Variants in RAB10 observed in about 807,000 individuals in gnomAD.
The protein encoded by RAB10 is ras-related protein Rab-10.
In RAB10, 5 loss-of-function variants were observed where a neutral mutation model predicts 25.7. The observed-to-expected ratio is 0.19, with a 90% CI of 0.10 to 0.41. The LOEUF (loss-of-function observed/expected upper bound fraction) is 0.41. Ranked by LOEUF, RAB10 falls within the 10% of genes least tolerant of loss-of-function variation. The probability of loss-of-function intolerance (pLI) is 1.00; values close to 1 mark genes in which losing one functional copy is unlikely to be tolerated. For synonymous variants in RAB10, 89 were observed against 86.4 expected, an observed-to-expected ratio of 1.03 and a Z score of -0.16; for missense variants, 103 against 245.8, an observed-to-expected ratio of 0.42 and a Z score of 3.89.
Position 26,098,705 on chromosome 2 carries a change from G to A in RAB10, c.171G>A (p.Lys57=). 2 of 1,592,900 alleles carry A rather than the reference G, an allele frequency of 1.3e-6. No individual in the cohort carries two copies. The highest frequency in any genetic ancestry group is 2.2e-5 in the South Asian group (2 of 90,138). ...AAACAGTTGAATTACAAGGAAAGAA[G>A]ATCAAGCTACAGATATGGTAAGTGA... The part of the protein sequence containing the change: ...KIKTVELQGK[K]IKLQIWDTAG... Residue 57 remains lysine (K), a synonymous_variant, in exon 2 of 6, where the codon AAG becomes AAA. Transcript: ENST00000264710.
rs945621226 is a variant in RAB10 at position 26,135,892 on chromosome 2, T to C, written c.*871T>C. ...GTTTGTCAAGTTTAATATAAAGCAC[T>C]GATGTAACTTGCTAGGTAAACGGAA... On this transcript the variant is annotated 3_prime_UTR_variant, in exon 6 of 6. Transcript: ENST00000264710. 6.6e-6 allele frequency: 1 copy of C among 152,630 alleles called. No homozygotes were observed. The highest frequency in any genetic ancestry group is 1.5e-5 in the Non-Finnish European group (1 of 68,040). The allele number at this position is 152,630 out of a possible 1,614,324, so 9.5% of individuals were successfully genotyped here. A position where few individuals can be genotyped will look rare whatever the true frequency, so the allele number is the denominator to read the frequency against.
chr2:26,117,823 A>G lies in RAB10; in HGVS notation c.327+7917A>G, dbSNP rs188759712. ...GATTCCAATTTAAGAGAGATCATAT[A>G]TGTTAATTTACTTTGGGTAACTGGG... is the stretch of plus-strand genomic sequence containing the variant. On this transcript the variant is annotated intron_variant, in intron 3 of 5. Transcript: ENST00000264710. Among the ~76,000 whole-genome samples the G allele has an allele frequency of 7.7e-4, 118 of 152,308 alleles. 1 individual carries two copies. In the Middle Eastern group the frequency reaches 0.014, roughly 18 times the overall value.
chr2:26,118,442 G>A (rs1667738108), intron 3 of RAB10, among the ~76,000 whole-genome samples: 1 of 151,716 alleles, frequency 6.6e-6, no homozygotes, highest in Admixed American at 6.6e-5. Context: ...AAAGGCCGGG[G>A]GTGGGGTGGG....
chr2:26,108,563 T>C (rs1371388550), intron 2 of RAB10, among the ~76,000 whole-genome samples: 1 of 152,048 alleles, frequency 6.6e-6, no homozygotes, highest in Non-Finnish European at 1.5e-5. Flanking sequence ...AATCTGTACA[T>C]GTAATAAATT....
intron 1 of RAB10, among the ~76,000 whole-genome samples, chr2:26,038,100 G>A (rs940096945): frequency 1.3e-5 from 2 of 151,728 alleles, no homozygotes; most frequent in Admixed American, 1.3e-4. Context: ...TGGCCAGGCT[G>A]GTCTCGAACT....
intron 1 of RAB10, among the ~76,000 whole-genome samples, chr2:26,090,564 G>A (rs1667080343): frequency 6.7e-6 from 1 of 148,708 alleles, no homozygotes; most frequent in Non-Finnish European, 1.5e-5. Flanking sequence ...TCTGTTAGAT[G>A]TCAGACCTCT....
At chr2:26,050,838 C>T (rs957818744) in intron 1 of RAB10, among the ~76,000 whole-genome samples, 5 of 152,058 alleles carry the variant, frequency 3.3e-5, no homozygotes, top group Non-Finnish European at 5.9e-5. Flanking sequence ...GTCTCCTGGG[C>T]TCAAGTGATT....
intron 1 of RAB10, among the ~76,000 whole-genome samples, chr2:26,084,549 C>T (rs990714328): frequency 3.9e-5 from 6 of 152,186 alleles, no homozygotes; most frequent in African/African-American, 1.4e-4. Flanking sequence ...GTTTTTGGTA[C>T]ATGGTATACC....
chr2:26,133,970 G>T (rs928823685), intron 5 of RAB10, among the ~76,000 whole-genome samples: 1 of 151,940 alleles, frequency 6.6e-6, no homozygotes, highest in African/African-American at 2.4e-5. Context: ...CACGACACCC[G>T]GCCCTTCTGA....
intron 5 of RAB10, among the ~76,000 whole-genome samples, chr2:26,132,453 C>T (rs1011896012): frequency 6.6e-6 from 1 of 152,142 alleles, no homozygotes; most frequent in Non-Finnish European, 1.5e-5. Context: ...AGGGTTTCAA[C>T]ATATTGGCCA....
chr2:26,045,395 A>G (rs995350636), intron 1 of RAB10, among the ~76,000 whole-genome samples: 2 of 151,816 alleles, frequency 1.3e-5, no homozygotes, highest in Non-Finnish European at 2.9e-5. Flanking sequence ...GCCCGCCACC[A>G]CGCCCAGCTA....
At chr2:26,051,036 C>G (rs1666121544) in intron 1 of RAB10, among the ~76,000 whole-genome samples, 1 of 152,044 alleles carries the variant, frequency 6.6e-6, no homozygotes, top group Non-Finnish European at 1.5e-5. Context: ...TTCCTGGGTT[C>G]AAGTGATCTT....
intron 1 of RAB10, among the ~76,000 whole-genome samples, chr2:26,062,335 C>T (rs1259132442): frequency 6.6e-6 from 1 of 152,100 alleles, no homozygotes; most frequent in Non-Finnish European, 1.5e-5. Flanking sequence ...TATTATGATG[C>T]TTTTATTTGG....
At position 26,034,363 on chromosome 2, in the gene RAB10, C is replaced by A; in HGVS notation, c.-246C>A. On this transcript the variant is annotated 5_prime_UTR_variant, in exon 1 of 6. Transcript: ENST00000264710. The stretch of plus-strand genomic sequence containing the variant: ...GGAGGCCATTTTGTCCCGACCGACT[C>A]CCCGGAACCGGGCGGACGGGCTGGG... The A allele has an allele frequency of 1.7e-6, 1 of 592,966 alleles. No homozygotes were observed. The highest frequency in any genetic ancestry group is 3.0e-6 in the Non-Finnish European group (1 of 334,182). The allele number at this position is 592,966 out of a possible 1,614,324, so 36.7% of individuals were successfully genotyped here. A position where few individuals can be genotyped will look rare whatever the true frequency, so the allele number is the denominator to read the frequency against.
chr2:26,084,631 A>T (rs1435251258), intron 1 of RAB10, among the ~76,000 whole-genome samples: 1 of 152,188 alleles, frequency 6.6e-6, no homozygotes, highest in African/African-American at 2.4e-5. Context: ...CATGGAATTC[A>T]TCCCTCAGCC....
At chr2:26,107,694 G>A (rs1667493652) in intron 2 of RAB10, among the ~76,000 whole-genome samples, 1 of 152,044 alleles carries the variant, frequency 6.6e-6, no homozygotes, top group African/African-American at 2.4e-5. Context: ...TACTTGGGAG[G>A]CTGAGGCAGG....
intron 1 of RAB10, among the ~76,000 whole-genome samples, chr2:26,040,399 C>T (rs1298452320): frequency 2.6e-5 from 4 of 152,090 alleles, no homozygotes; most frequent in African/African-American, 9.7e-5. Flanking sequence ...CGTGGTGGCT[C>T]AAACCTGTAA....
chr2:26,071,586 A>T (rs1052128928), intron 1 of RAB10, among the ~76,000 whole-genome samples: 9 of 152,036 alleles, frequency 5.9e-5, no homozygotes, highest in African/African-American at 1.2e-4. Flanking sequence ...TACTTGGGAG[A>T]CTGAGGCAGG....
intron 3 of RAB10, among the ~76,000 whole-genome samples, chr2:26,111,010 G>A (rs908354495): frequency 4.6e-5 from 7 of 152,106 alleles, no homozygotes; most frequent in Non-Finnish European, 5.9e-5. Context: ...CCAGCCTGAT[G>A]TTACTTTTTA....
Sources: gnomAD v4.1 joint callset for allele counts (sites outside exome capture counted in the v4.1 genomes callset) on GRCh38, gnomAD v4.1.1 for gene constraint, MANE v1.5 for transcripts, NCBI Gene and HGNC (gene_info 2026-07-23, HGNC 2026-07-21) for gene names.